ASPG: variants seen among roughly 807,000 people sequenced by gnomAD.
ASPG encodes 60 kDa lysophospholipase.
A neutral mutation model predicts 63.2 loss-of-function variants in ASPG; 53 were observed. The observed-to-expected ratio is 0.84, with a 90% confidence interval of 0.67 to 1.05. The LOEUF (loss-of-function observed/expected upper bound fraction) is 1.05, where lower values mean the gene tolerates loss of function less well. ASPG is among the 50% of genes least tolerant of loss of function. The pLI is 0.00. For synonymous variants in ASPG, 370 were observed against 355.0 expected (o/e 1.04, Z -0.48); for missense variants, 741 against 794.4 (o/e 0.93, Z 0.81).
At chr14:104,107,014 A>C (rs2037161115) in intron 11 of ASPG, 120 bp downstream of exon 11, 6 of 1,304,578 alleles carry the variant, frequency 4.6e-6, no homozygotes, top group African/African-American at 1.5e-5. Context: ...TGTCAGCCAG[A>C]CTGGGCAGCA....
chr14:104,108,788 G>A (rs1461178208), intron 12 of ASPG: 2 of 985,288 alleles, frequency 2.0e-6, no homozygotes, highest in African/African-American at 1.7e-5. Context: ...TGGCTGAGGA[G>A]GTCACCACGG....
chr14:104,114,127 C>T lies in ASPG; in HGVS notation c.*1583C>T, dbSNP rs2037435019. 1 of 152,296 alleles carries T rather than the reference C, an allele frequency of 6.6e-6. No homozygotes were observed. Among genetic ancestry groups the T allele is most frequent in the Non-Finnish European group, 1.5e-5 (1 of 68,076 alleles). 9.4% of individuals were successfully genotyped at this position (152,296 alleles called of 1,614,324 possible). Reference sequence around the variant, plus strand: ...AGCCTGTTGCTCACGCCACCCCACTCAGTGCTGCTCCGGGTTGTGAAAGCT... The same window carrying T: ...AGCCTGTTGCTCACGCCACCCCACTTAGTGCTGCTCCGGGTTGTGAAAGCT... On this transcript the variant is annotated 3_prime_UTR_variant, in exon 16 of 16. Coordinates refer to ENST00000551177, the MANE Select transcript of ASPG (RefSeq NM_001080464.3).
chr14:104,085,967 G>T (rs2036211338), intron 1 of ASPG, 115 bp downstream of exon 1: 1 of 984,722 alleles, frequency 1.0e-6, no homozygotes, highest in African/African-American at 1.7e-5. Context: ...CTGGATGGGG[G>T]GTGCGGGCTG....
intron 15 of ASPG, among the ~76,000 whole-genome samples, chr14:104,112,268 GCATCCC>G (rs1257449435): frequency 6.6e-6 from 1 of 152,110 alleles, no homozygotes; most frequent in African/African-American, 2.4e-5. Context: ...CCAGGGCTCA[GCATCCC>G]CTTACCCACC....
In ASPG at chr14:104,109,598, A is replaced by ATG. The variant is rs1491274215; in HGVS notation, c.1520+296_1520+297dup. Reference sequence around the variant, plus strand: ...TGTGTGTATGCATGTGTGTGGGTGCATGTGTGTGTGTGTGGTGGGCTTGAG... The same window carrying ATG: ...TGTGTGTATGCATGTGTGTGGGTGCATGTGTGTGTGTGTGTGGTGGGCTTGAG... On this transcript the variant is annotated intron_variant, in intron 13 of 15. Coordinates refer to ENST00000551177, the MANE Select transcript of ASPG (RefSeq NM_001080464.3). This position sits in a 1 kb window ranked among gnomAD's most constrained non-coding sequence, Gnocchi z 4.8. 9.3e-6 allele frequency among the ~76,000 whole-genome samples: 1 copy of ATG among 107,488 alleles called. No homozygotes were observed. Among genetic ancestry groups the ATG allele is most frequent in the Non-Finnish European group, 1.7e-5 (1 of 59,014 alleles). The allele number at this position is 107,488 out of a possible 152,430, so 70.5% of individuals were successfully genotyped here.
At chr14:104,103,983 G>T (rs982692650) in intron 7 of ASPG, among the ~76,000 whole-genome samples, 1 of 152,242 alleles carries the variant, frequency 6.6e-6, no homozygotes, top group Non-Finnish European at 1.5e-5. Context: ...CTGCTGTGCT[G>T]GACAAGGGTG....
chr14:104,108,554 G>C, intron 12 of ASPG: 1 of 985,412 alleles, frequency 1.0e-6, no homozygotes, highest in Non-Finnish European at 1.2e-6. Context: ...GTGATGGGGG[G>C]ATCTGTGGTG....
chr14:104,103,239 C>CT lies in ASPG; in HGVS notation c.641-324_641-323insT, dbSNP rs541450516. 1.4e-3 allele frequency among the ~76,000 whole-genome samples: 209 copies of CT among 152,362 alleles called. 1 individual carries two copies. The highest frequency in any genetic ancestry group is 4.8e-3 in the African/African-American group (199 of 41,582). ...CCTCCATCTCTGCAGGACCCTCCTGCCCCTCGCCTGGCCAGCGGAGTTTCC... is the reference window on the plus strand; with the variant it reads ...CCTCCATCTCTGCAGGACCCTCCTGCTCCCTCGCCTGGCCAGCGGAGTTTCC... On this transcript the variant is annotated intron_variant, in intron 6 of 15. Transcript: ENST00000551177.
At position 104,098,841 on chromosome 14, in the gene ASPG, C is replaced by G. The variant is rs780376931; in HGVS notation, c.514-12C>G. ...GGCCGCTGCTCTGAACTCTGTCGCT[C>G]CGTTCCCGCAGGTCTGCCTTTTCTT... On this transcript the variant is annotated splice_polypyrimidine_tract_variant and intron_variant, in intron 5 of 15. Transcript: ENST00000551177. 3.7e-6 allele frequency: 6 copies of G among 1,612,202 alleles called. No individual in the cohort carries two copies. The highest frequency in any genetic ancestry group is 1.3e-5 in the African/African-American group (1 of 75,068).
At chr14:104,090,730 C>A (rs537133169) in intron 1 of ASPG, among the ~76,000 whole-genome samples, 1 of 152,250 alleles carries the variant, frequency 6.6e-6, no homozygotes. Flanking sequence ...CACGAGAGGG[C>A]GTTTAGGGCC....
rs549050414 is a variant in ASPG, at chr14:104,108,054, C to T, written c.1433+709C>T. On this transcript the variant is annotated intron_variant, in intron 12 of 15. Coordinates refer to ENST00000551177, the MANE Select transcript of ASPG (RefSeq NM_001080464.3). Reference sequence around the variant, plus strand: ...CTCAGGAGTCCCATGGAGAGAAGGCCGGGGTGTCTGAGCCTGGGGTCATGT... The same window carrying T: ...CTCAGGAGTCCCATGGAGAGAAGGCTGGGGTGTCTGAGCCTGGGGTCATGT... Among the ~76,000 whole-genome samples, 9 of 152,158 alleles carry T rather than the reference C, an allele frequency of 5.9e-5. No homozygotes were observed. The South Asian group carries it at 1.0e-3, about 18-fold the overall frequency.
intron 6 of ASPG, among the ~76,000 whole-genome samples, chr14:104,102,621 T>C (rs2036928531): frequency 6.6e-6 from 1 of 152,216 alleles, no homozygotes; most frequent in Non-Finnish European, 1.5e-5. Context: ...TGCTGGAGGC[T>C]GCCATGAGTG....
At chr14:104,090,465 G>T (rs575968278) in intron 1 of ASPG, among the ~76,000 whole-genome samples, 1 of 152,260 alleles carries the variant, frequency 6.6e-6, no homozygotes, top group Non-Finnish European at 1.5e-5. Flanking sequence ...ACAGAAGTTC[G>T]TTCTGGGTTC....
Position 104,092,843 on chromosome 14 carries a change from C to T in ASPG, c.191+102C>T, listed in dbSNP as rs1456455738. The T allele has an allele frequency of 4.1e-6, 4 of 967,848 alleles. No homozygotes were observed. In the East Asian group the frequency reaches 7.9e-5, roughly 19 times the overall value. The allele number at this position is 967,848 out of a possible 1,614,324, so 60.0% of individuals were successfully genotyped here. On this transcript the variant is annotated intron_variant, in intron 2 of 15. Coordinates refer to ENST00000551177, the MANE Select transcript of ASPG (RefSeq NM_001080464.3). ...GCCAGGCCCACGTGAGCCATTTGCT[C>T]ACCCCTGTCTCTAACATCCCCTCAG... is the stretch of plus-strand genomic sequence containing the variant.
Position 104,110,758 on chromosome 14 carries a change from C to T in ASPG, c.1521-744C>T. On this transcript the variant is annotated intron_variant, in intron 13 of 15. Coordinates refer to ENST00000551177, the MANE Select transcript of ASPG (RefSeq NM_001080464.3). The surrounding 1 kb of genome is among the most constrained non-coding windows in gnomAD (Gnocchi z 4.7). ...TCCTCACCAGGCCACTTCCCCCAGC[C>T]CCTGCACACCATGGGTGGGTGGAGC... The T allele has an allele frequency of 1.0e-6, 1 of 985,364 alleles. No individual in the cohort carries two copies. The highest frequency in any genetic ancestry group is 4.7e-5 in the South Asian group (1 of 21,286). 61.0% of individuals were successfully genotyped at this position (985,364 alleles called of 1,614,324 possible).
At chr14:104,097,521 C>T (rs758566035) in intron 4 of ASPG, 33 bp from the exon 5 acceptor site, 2 of 1,542,372 alleles carry the variant, frequency 1.3e-6, no homozygotes, top group Non-Finnish European at 8.8e-7. Flanking sequence ...CTGGGCTTCC[C>T]AGGCCTCAGC....
At chr14:104,087,787 G>A (rs774272168) in intron 1 of ASPG, among the ~76,000 whole-genome samples, 22 of 152,350 alleles carry the variant, frequency 1.4e-4, no homozygotes, top group Admixed American at 7.2e-4. Flanking sequence ...CACCCGTCTC[G>A]CTTGGCCCCC....
intron 1 of ASPG, 85 bp downstream of exon 1, chr14:104,085,937 T>C (rs2036210137): frequency 7.6e-7 from 1 of 1,312,618 alleles, no homozygotes; most frequent in Non-Finnish European, 1.0e-6. Flanking sequence ...ACGGGGGTCG[T>C]TGGGGAGTCA....
intron 3 of ASPG, among the ~76,000 whole-genome samples, chr14:104,095,310 T>G (rs948859463): frequency 1.3e-5 from 2 of 152,132 alleles, no homozygotes; most frequent in African/African-American, 4.8e-5. Context: ...GCGTGGTGGG[T>G]GCACCCGAGT....
Sources: allele counts gnomAD v4.1 joint callset (sites outside exome capture counted in the v4.1 genomes callset), GRCh38; gene constraint gnomAD v4.1.1; non-coding constraint Gnocchi (gnomAD v3.1); transcripts MANE v1.5; gene names NCBI Gene and HGNC (gene_info 2026-07-23, HGNC 2026-07-21).